PTPRK: variants seen among roughly 807,000 people sequenced by gnomAD.
The protein encoded by PTPRK is receptor-type tyrosine-protein phosphatase kappa.
In PTPRK, 75 loss-of-function variants were observed where a neutral mutation model predicts 178.0. The observed-to-expected ratio is 0.42, with a 90% CI of 0.35 to 0.51. The LOEUF is 0.51. PTPRK is among the 20% of genes least tolerant of loss of function. PTPRK has a pLI of 0.02. For missense variants in PTPRK, 1,441 were observed against 1,797.8 expected (o/e 0.80, Z 3.59); for synonymous variants, 637 against 620.6 (o/e 1.03, Z -0.39).
chr6:128,250,325 GATT>G (rs1245038019), intron 3 of PTPRK, among the ~76,000 whole-genome samples: 1 of 152,096 alleles, frequency 6.6e-6, no homozygotes, highest in Non-Finnish European at 1.5e-5. Flanking sequence ...AACATATGAT[GATT>G]ATAATTACAT....
intron 7 of PTPRK, among the ~76,000 whole-genome samples, chr6:128,169,973 G>A (rs867970192): frequency 1.3e-5 from 2 of 151,904 alleles, no homozygotes; most frequent in Non-Finnish European, 2.9e-5. Context: ...ATGTTGAAAC[G>A]TTAGTGAATG....
chr6:128,104,296 G>A lies in PTPRK; in HGVS notation c.1163-14304C>T, dbSNP rs145190060. On this transcript the variant is annotated intron_variant, in intron 7 of 29. Transcript: ENST00000368226. Reference sequence around the variant, plus strand: ...GGCTGGAGTACAGTGGTGCGATCTCGGCTCACTGCAAGCTCCACCTCCCAG... The same window carrying A: ...GGCTGGAGTACAGTGGTGCGATCTCAGCTCACTGCAAGCTCCACCTCCCAG... Among the ~76,000 whole-genome samples the A allele has an allele frequency of 1.5e-3, 224 of 152,108 alleles. 4 individuals carry two copies. In the East Asian group the frequency reaches 0.041, roughly 28 times the overall value.
chr6:128,326,927 T>A (rs1266715445), intron 2 of PTPRK, among the ~76,000 whole-genome samples: 1 of 152,048 alleles, frequency 6.6e-6, no homozygotes, highest in African/African-American at 2.4e-5. Flanking sequence ...AGCGTGTTTT[T>A]TAAATCTTTT....
At chr6:128,234,337 T>C (rs898924927) in intron 5 of PTPRK, among the ~76,000 whole-genome samples, 2 of 152,220 alleles carry the variant, frequency 1.3e-5, no homozygotes, top group African/African-American at 4.8e-5. Flanking sequence ...TTTCCTCATT[T>C]GTGTCTTATT....
chr6:128,011,353 G>A (rs1234292539), intron 13 of PTPRK, among the ~76,000 whole-genome samples: 1 of 151,156 alleles, frequency 6.6e-6, no homozygotes, highest in Non-Finnish European at 1.5e-5. Flanking sequence ...CTGAGTTATA[G>A]AATTAAATGT....
At chr6:128,373,019 G>A (rs934650089) in intron 2 of PTPRK, among the ~76,000 whole-genome samples, 1 of 151,848 alleles carries the variant, frequency 6.6e-6, no homozygotes, top group Non-Finnish European at 1.5e-5. Flanking sequence ...GGTGACCTAG[G>A]ACTGGAAACA....
Position 128,388,246 on chromosome 6 carries a change from T to C in PTPRK, c.223+9320A>G, listed in dbSNP as rs373563680. On this transcript the variant is annotated intron_variant, in intron 2 of 29. Coordinates refer to ENST00000368226, the MANE Select transcript of PTPRK (RefSeq NM_002844.4). ...CATAAGGAGGAGACAACTAAGAACC[T>C]CTTTTTCTTCAGGATACTGTTGTGT... Among the ~76,000 whole-genome samples the C allele has an allele frequency of 4.9e-4, 74 of 152,322 alleles. 2 individuals are homozygous for C. The South Asian group carries it at 0.014, about 29-fold the overall frequency.
chr6:128,134,614 C>A (rs1350882433), intron 7 of PTPRK, among the ~76,000 whole-genome samples: 1 of 152,096 alleles, frequency 6.6e-6, no homozygotes, highest in Admixed American at 6.6e-5. Context: ...GGTTCAAGAC[C>A]AGCCTGGGCG....
intron 11 of PTPRK, among the ~76,000 whole-genome samples, chr6:128,074,971 T>C (rs1783524384): frequency 6.6e-6 from 1 of 152,054 alleles, no homozygotes; most frequent in African/African-American, 2.4e-5. Context: ...GTAGCAATAC[T>C]GAAAATATTT....
At chr6:128,173,638 A>C (rs1057146377) in intron 7 of PTPRK, among the ~76,000 whole-genome samples, 2 of 152,088 alleles carry the variant, frequency 1.3e-5, no homozygotes, top group South Asian at 4.1e-4. Context: ...GAGCCCTTCA[A>C]GTTAAAACCT....
At chr6:128,315,827 G>A (rs1827923403) in intron 3 of PTPRK, among the ~76,000 whole-genome samples, 2 of 152,050 alleles carry the variant, frequency 1.3e-5, no homozygotes, top group South Asian at 2.1e-4. Context: ...AAACGTATTC[G>A]TTTTTGTTTG....
intron 7 of PTPRK, among the ~76,000 whole-genome samples, chr6:128,172,495 G>A (rs1339519523): frequency 6.6e-6 from 1 of 151,504 alleles, no homozygotes; most frequent in Admixed American, 6.6e-5. Flanking sequence ...AAAAAATCAG[G>A]GTAATTATTT....
chr6:128,424,064 G>GC (rs1843798729), intron 1 of PTPRK, among the ~76,000 whole-genome samples: 3 of 129,012 alleles, frequency 2.3e-5, no homozygotes, highest in African/African-American at 9.9e-5. Context: ...CCTACAAAAA[G>GC]TAAAAAAAAA....
chr6:128,496,930 C>T (rs899467721), intron 1 of PTPRK, among the ~76,000 whole-genome samples: 1 of 152,054 alleles, frequency 6.6e-6, no homozygotes, highest in Non-Finnish European at 1.5e-5. Flanking sequence ...TTACAATAAA[C>T]CAAAGAAGGC....
intron 1 of PTPRK, among the ~76,000 whole-genome samples, chr6:128,471,287 C>A (rs1850617203): frequency 6.6e-6 from 1 of 151,866 alleles, no homozygotes; most frequent in South Asian, 2.1e-4. Flanking sequence ...CTGTGAGATT[C>A]TTTTTACATT....
chr6:128,375,067 T>TATC (rs1314390896), intron 2 of PTPRK, among the ~76,000 whole-genome samples: 5 of 142,094 alleles, frequency 3.5e-5, no homozygotes, highest in African/African-American at 1.0e-4. Flanking sequence ...GCATTATTAT[T>TATC]ATTATTATTA....
chr6:128,246,761 C>T (rs1221257418), intron 3 of PTPRK, among the ~76,000 whole-genome samples: 1 of 152,200 alleles, frequency 6.6e-6, no homozygotes, highest in African/African-American at 2.4e-5. Flanking sequence ...AACTTTAAAC[C>T]TTCCAGGAGG....
At chr6:128,285,568 T>C (rs1458145087) in intron 3 of PTPRK, among the ~76,000 whole-genome samples, 1 of 151,332 alleles carries the variant, frequency 6.6e-6, no homozygotes, top group African/African-American at 2.4e-5. Context: ...CCCAGCACTT[T>C]GGGAGGCCAA....
At chr6:128,361,563 G>A (rs979099972) in intron 2 of PTPRK, among the ~76,000 whole-genome samples, 4 of 152,020 alleles carry the variant, frequency 2.6e-5, no homozygotes, top group African/African-American at 9.7e-5. Context: ...AAGCATCATT[G>A]AGTGTTACTC....
Sources: allele counts gnomAD v4.1 joint callset (sites outside exome capture counted in the v4.1 genomes callset), GRCh38; gene constraint gnomAD v4.1.1; transcripts MANE v1.5; gene names NCBI Gene and HGNC (gene_info 2026-07-23, HGNC 2026-07-21).